The following LARGE1 variants were observed in gnomAD, a reference collection of about 807,000 sequenced individuals.
The protein encoded by LARGE1 is LARGE xylosyl- and glucuronyltransferase 1, also known as xylosyl- and glucuronyltransferase LARGE1.
A neutral mutation model predicts 87.6 loss-of-function variants in LARGE1; 43 were observed. That is an observed-to-expected ratio of 0.49 (90% CI 0.38 to 0.63). LARGE1 has a LOEUF of 0.63. Ranked by LOEUF, LARGE1 falls within the 30% of genes least tolerant of loss-of-function variation. LARGE1 has a pLI of 0.00. For missense variants in LARGE1, 802 were observed against 1,000.2 expected, an observed-to-expected ratio of 0.80 and a Z score of 2.67; for synonymous variants, 434 against 394.6, an observed-to-expected ratio of 1.10 and a Z score of -1.18.
At chr22:33,152,142 G>T in the LARGE1 span, among the ~76,000 whole-genome samples, 1 of 152,312 alleles carries the variant, frequency 6.6e-6, no homozygotes, top group Admixed American at 6.5e-5. Context: ...AGCTCTGCCA[G>T]CTCATGTCTC....
At chr22:33,450,421 G>C (rs1214492217) in intron 6 of LARGE1, among the ~76,000 whole-genome samples, 2 of 148,868 alleles carry the variant, frequency 1.3e-5, no homozygotes, top group Non-Finnish European at 3.0e-5. Context: ...GGCCAACATG[G>C]TGAAACCCCA....
chr22:33,194,074 T>A (rs758542742), intron 11 of LARGE1, among the ~76,000 whole-genome samples: 1 of 151,450 alleles, frequency 6.6e-6, no homozygotes, highest in African/African-American at 2.4e-5. Flanking sequence ...TCTGCATTAT[T>A]CATGTCATAA....
chr22:33,518,288 GC>G (rs1407998593), intron 6 of LARGE1, among the ~76,000 whole-genome samples: 4 of 152,190 alleles, frequency 2.6e-5, no homozygotes, highest in Non-Finnish European at 5.9e-5. Flanking sequence ...TAAATCAACA[GC>G]CCAAGGTCAC....
chr22:33,416,961 C>T (rs1021591194), intron 7 of LARGE1, among the ~76,000 whole-genome samples: 3 of 136,286 alleles, frequency 2.2e-5, no homozygotes, highest in African/African-American at 8.7e-5. Flanking sequence ...GGCTGGAGTG[C>T]AGTGGTGTGA....
At chr22:33,867,368 G>A (rs568437334) in intron 1 of LARGE1, among the ~76,000 whole-genome samples, 1 of 152,138 alleles carries the variant, frequency 6.6e-6, no homozygotes, top group Admixed American at 6.5e-5. Flanking sequence ...CATCCTGTGG[G>A]CTGGGACTGT....
rs1932782780 is a variant in LARGE1 at position 33,292,819 on chromosome 22, C to T, written c.1731-9471G>A. Among the ~76,000 whole-genome samples, 4 of 152,282 alleles carry T rather than the reference C, an allele frequency of 2.6e-5. 1 individual carries two copies. In the South Asian group the frequency reaches 8.3e-4, roughly 32 times the overall value. On this transcript the variant is annotated intron_variant, in intron 12 of 14. Transcript: ENST00000397394. ...GGATGATGTAGATTCCATCTTAATT[C>T]CACTACTTCCCTAACTGTGCAATCA...
chr22:33,170,576 G>T (rs973670086), intron 11 of LARGE1, among the ~76,000 whole-genome samples: 2 of 152,016 alleles, frequency 1.3e-5, no homozygotes, highest in Non-Finnish European at 2.9e-5. Context: ...AAGATCTGAT[G>T]GTTTAAAAGT....
chr22:33,161,187 A>G (rs1176146965), downstream of LARGE1, among the ~76,000 whole-genome samples: 5 of 152,176 alleles, frequency 3.3e-5, no homozygotes, highest in Non-Finnish European at 7.3e-5. Context: ...ACTCACTACC[A>G]TGAGAACAGC....
At chr22:33,558,493 T>C (rs1056750208) in intron 6 of LARGE1, among the ~76,000 whole-genome samples, 1 of 152,160 alleles carries the variant, frequency 6.6e-6, no homozygotes, top group East Asian at 1.9e-4. Flanking sequence ...ACAACCACTG[T>C]GAGCAGATAT....
chr22:33,533,549 T>A (rs911362554), intron 6 of LARGE1, among the ~76,000 whole-genome samples: 1 of 152,180 alleles, frequency 6.6e-6, no homozygotes, highest in Non-Finnish European at 1.5e-5. Flanking sequence ...AGTTGTTTAA[T>A]CCAACAGATG....
At chr22:33,829,579 C>T (rs1314639812) in intron 1 of LARGE1, among the ~76,000 whole-genome samples, 2 of 152,140 alleles carry the variant, frequency 1.3e-5, no homozygotes, top group Non-Finnish European at 2.9e-5. Context: ...CACTATATTA[C>T]CTCTCAAAAA....
chr22:33,243,269 T>C (rs1238941964), intron 11 of LARGE1, among the ~76,000 whole-genome samples: 1 of 152,262 alleles, frequency 6.6e-6, no homozygotes, highest in African/African-American at 2.4e-5. Flanking sequence ...AATTTATGTA[T>C]ATTTTAAGTG....
intron 11 of LARGE1, among the ~76,000 whole-genome samples, chr22:33,247,053 G>A (rs1300091296): frequency 7.0e-5 from 6 of 86,120 alleles, no homozygotes; most frequent in Non-Finnish European, 1.1e-4. Flanking sequence ...CAGTATGTGT[G>A]TGTGTGTGTG....
At chr22:33,352,397 T>G (rs1413879144) in intron 9 of LARGE1, among the ~76,000 whole-genome samples, 1 of 152,132 alleles carries the variant, frequency 6.6e-6, no homozygotes, top group Non-Finnish European at 1.5e-5. Context: ...AATGAAAGCT[T>G]GAAGTTTACT....
At chr22:33,624,603 G>A (rs1433751993) in intron 4 of LARGE1, among the ~76,000 whole-genome samples, 2 of 152,152 alleles carry the variant, frequency 1.3e-5, no homozygotes, top group African/African-American at 4.8e-5. Flanking sequence ...GCTACAAGCA[G>A]GTCAGAGCTG....
chr22:33,386,705 T>TGG (rs201945752), intron 7 of LARGE1, among the ~76,000 whole-genome samples: 2 of 133,020 alleles, frequency 1.5e-5, no homozygotes, highest in African/African-American at 3.1e-5. Context: ...TAAACAATGT[T>TGG]GGGGGGGGTA....
chr22:33,882,041 T>TTG (rs2064704303), intron 1 of LARGE1, among the ~76,000 whole-genome samples: 1 of 148,372 alleles, frequency 6.7e-6, no homozygotes, highest in African/African-American at 2.5e-5. Context: ...TTTTGTTTTT[T>TTG]TTTGTTTTTT....
intron 6 of LARGE1, among the ~76,000 whole-genome samples, chr22:33,551,607 T>G (rs928100539): frequency 6.6e-6 from 1 of 152,190 alleles, no homozygotes; most frequent in Non-Finnish European, 1.5e-5. Context: ...AGGTGTGGAC[T>G]TTATCTCCAT....
At chr22:33,637,756 C>T (rs1263014742) in intron 3 of LARGE1, among the ~76,000 whole-genome samples, 2 of 152,124 alleles carry the variant, frequency 1.3e-5, no homozygotes, top group East Asian at 3.9e-4. Context: ...GACTGCAACC[C>T]CTGATGTCAT....
Sources: allele counts gnomAD v4.1 joint callset (sites outside exome capture counted in the v4.1 genomes callset), GRCh38; gene constraint gnomAD v4.1.1; transcripts MANE v1.5; gene names NCBI Gene and HGNC (gene_info 2026-07-23, HGNC 2026-07-21).